SIPA1L1: variants seen among roughly 807,000 people sequenced by gnomAD.
SIPA1L1 encodes the protein signal-induced proliferation-associated 1-like protein 1.
A neutral mutation model predicts 162.7 loss-of-function variants in SIPA1L1; 26 were observed. That is an observed-to-expected ratio of 0.16 (90% CI 0.12 to 0.22). The LOEUF (loss-of-function observed/expected upper bound fraction) is 0.22, where lower values mean the gene tolerates loss of function less well. Ranked by LOEUF, SIPA1L1 falls within the 10% of genes least tolerant of loss-of-function variation. SIPA1L1 has a pLI of 1.00. For synonymous variants in SIPA1L1, 829 were observed against 837.4 expected, an observed-to-expected ratio of 0.99 and a Z score of 0.17; for missense variants, 1,874 against 2,241.0, an observed-to-expected ratio of 0.84 and a Z score of 3.31.
chr14:71,606,007 C>G (rs765785062), intron 5 of SIPA1L1, among the ~76,000 whole-genome samples: 33 of 152,086 alleles, frequency 2.2e-4, no homozygotes, highest in Non-Finnish European at 3.8e-4. Context: ...TTGGCCATGG[C>G]TATGGTGGGC....
chr14:71,696,204 GT>G (rs2081615095), intron 13 of SIPA1L1, among the ~76,000 whole-genome samples: 1 of 152,128 alleles, frequency 6.6e-6, no homozygotes. Flanking sequence ...ATTTCTCACA[GT>G]CTGTATAGCA....
intron 4 of SIPA1L1, among the ~76,000 whole-genome samples, chr14:71,571,125 G>A (rs1414902259): frequency 2.0e-5 from 3 of 152,062 alleles, no homozygotes; most frequent in African/African-American, 7.2e-5. Flanking sequence ...AAGAAACAGA[G>A]AACACAAAAT....
In SIPA1L1 at chr14:71,724,710, C is replaced by T. The variant is rs1184440375; in HGVS notation, c.4489C>T (p.Leu1497=). The T allele has an allele frequency of 1.2e-6, 2 of 1,614,174 alleles. No homozygotes were observed. The highest frequency in any genetic ancestry group is 8.5e-7 in the Non-Finnish European group (1 of 1,180,030). Residue 1497 remains leucine (L), a synonymous_variant, in exon 19 of 24, where the codon CTG becomes TTG. Transcript: ENST00000381232. The part of the protein sequence containing the change: ...SDGNEIAHTR[L]RASTRDLRAS... Reference sequence around the variant, plus strand: ...TGGCAATGAAATAGCCCACACCAGGCTGCGTGCCTCAACCAGAGACCTCCG... The same window carrying T: ...TGGCAATGAAATAGCCCACACCAGGTTGCGTGCCTCAACCAGAGACCTCCG...
chr14:71,364,207 A>C (rs1160797631), intron 2 of SIPA1L1, among the ~76,000 whole-genome samples: 2 of 152,208 alleles, frequency 1.3e-5, no homozygotes, highest in Non-Finnish European at 2.9e-5. Flanking sequence ...TGTACTCTTA[A>C]CGGGAGTGAA....
rs533476495 is a variant in SIPA1L1, at chr14:71,435,578, A to G, written c.-464-77165A>G. ...ATTTTCTTAATCCAGTCTATCATTG[A>G]TGGACATTTGGGTGGGTTCCAAGTC... On this transcript the variant is annotated intron_variant, in intron 2 of 23. Transcript: ENST00000381232. 3.9e-5 allele frequency among the ~76,000 whole-genome samples: 6 copies of G among 152,272 alleles called. No homozygotes were observed. In the South Asian group the frequency reaches 1.2e-3, roughly 32 times the overall value.
At chr14:71,662,866 A>G (rs1299435082) in intron 10 of SIPA1L1, among the ~76,000 whole-genome samples, 1 of 152,220 alleles carries the variant, frequency 6.6e-6, no homozygotes, top group Non-Finnish European at 1.5e-5. Context: ...ATTGGGATGG[A>G]TAACTATTTG....
chr14:71,564,673 T>C (rs2029968595), intron 4 of SIPA1L1, among the ~76,000 whole-genome samples: 2 of 151,980 alleles, frequency 1.3e-5, no homozygotes, highest in South Asian at 4.2e-4. Context: ...GTATTTTTAG[T>C]AGAGACGGGA....
At position 71,724,769 on chromosome 14, in the gene SIPA1L1, TGAA is replaced by T; in HGVS notation, c.4554_4556del (p.Glu1518del). 6.2e-7 allele frequency: 1 copy of T among 1,614,078 alleles called. No individual in the cohort carries two copies. Among genetic ancestry groups the T allele is most frequent in the Non-Finnish European group, 8.5e-7 (1 of 1,179,986 alleles). ...CTAAGCCAACCTCCAAGTCCACCAT[TGAA>T]GAAGATCTAAAGAAACTAATTGATC... On this transcript the variant is annotated inframe_deletion, in exon 19 of 24. Coordinates refer to ENST00000381232, the MANE Select transcript of SIPA1L1 (RefSeq NM_001386936.1).
chr14:71,566,137 A>G (rs922519955), intron 4 of SIPA1L1, among the ~76,000 whole-genome samples: 6 of 152,160 alleles, frequency 3.9e-5, no homozygotes, highest in African/African-American at 4.8e-5. Context: ...AAAAAACCCA[A>G]TAGTTTTGTA....
At chr14:71,544,226 TATATC>T (rs1397640610) in intron 4 of SIPA1L1, among the ~76,000 whole-genome samples, 2 of 150,590 alleles carry the variant, frequency 1.3e-5, no homozygotes, top group Non-Finnish European at 3.0e-5. Context: ...TGTATATACA[TATATC>T]ATGTATGTAT....
At chr14:71,364,898 A>G (rs2038141879) in intron 2 of SIPA1L1, among the ~76,000 whole-genome samples, 1 of 151,808 alleles carries the variant, frequency 6.6e-6, no homozygotes. Flanking sequence ...GGCGCATGCC[A>G]CCACACCCAG....
At chr14:71,434,733 C>T (rs1299019501) in intron 2 of SIPA1L1, among the ~76,000 whole-genome samples, 1 of 152,114 alleles carries the variant, frequency 6.6e-6, no homozygotes, top group Non-Finnish European at 1.5e-5. Context: ...TGTGCACCAC[C>T]ATGCCCAACT....
chr14:71,493,118 T>C (rs997158591), intron 2 of SIPA1L1, among the ~76,000 whole-genome samples: 1 of 152,128 alleles, frequency 6.6e-6, no homozygotes, highest in East Asian at 1.9e-4. Flanking sequence ...AGGGTCTTGC[T>C]CTGTCACCCA....
intron 2 of SIPA1L1, among the ~76,000 whole-genome samples, chr14:71,438,248 C>T (rs1434557573): frequency 6.6e-6 from 1 of 152,078 alleles, no homozygotes; most frequent in Non-Finnish European, 1.5e-5. Flanking sequence ...TAATCATCAC[C>T]CACATTTCAC....
At chr14:71,327,037 G>A (rs2033905262) in intron 2 of SIPA1L1, among the ~76,000 whole-genome samples, 1 of 149,826 alleles carries the variant, frequency 6.7e-6, no homozygotes, top group Non-Finnish European at 1.5e-5. Context: ...TGGGCTCATT[G>A]CCTTTCCTTT....
intron 2 of SIPA1L1, among the ~76,000 whole-genome samples, chr14:71,348,091 C>T (rs1221451664): frequency 6.6e-6 from 1 of 152,056 alleles, no homozygotes; most frequent in Non-Finnish European, 1.5e-5. Flanking sequence ...TTGAAATTAC[C>T]ACAGTGATTT....
intron 2 of SIPA1L1, among the ~76,000 whole-genome samples, chr14:71,505,071 TG>T (rs1200835248): frequency 6.6e-6 from 1 of 152,238 alleles, no homozygotes; most frequent in Non-Finnish European, 1.5e-5. Context: ...GCATTTTCAT[TG>T]TTTCTCTTTA....
chr14:71,559,735 C>T (rs1345992488), intron 4 of SIPA1L1, among the ~76,000 whole-genome samples: 1 of 152,064 alleles, frequency 6.6e-6, no homozygotes, highest in Admixed American at 6.5e-5. Flanking sequence ...TGCATTTTTT[C>T]TACGAAATTA....
intron 15 of SIPA1L1, among the ~76,000 whole-genome samples, chr14:71,702,859 A>G (rs2082186135): frequency 6.6e-6 from 1 of 152,208 alleles, no homozygotes; most frequent in South Asian, 2.1e-4. Context: ...AATTTGAAAA[A>G]CAAAACTACT....
Sources: gnomAD v4.1 joint callset for allele counts (sites outside exome capture counted in the v4.1 genomes callset) on GRCh38, gnomAD v4.1.1 for gene constraint, MANE v1.5 for transcripts, NCBI Gene and HGNC (gene_info 2026-07-23, HGNC 2026-07-21) for gene names.